The following MAPK10 variants were observed in gnomAD, a reference collection of about 807,000 sequenced individuals.
MAPK10 encodes JNK3 alpha protein kinase.
MAPK10 carries 25 observed loss-of-function variants against 59.3 expected under a neutral mutation model. The observed-to-expected ratio is 0.42, with a 90% CI of 0.31 to 0.59. The LOEUF (loss-of-function observed/expected upper bound fraction) is 0.59, where lower values mean the gene tolerates loss of function less well. Among genes scored for constraint, MAPK10 ranks in the 20% least tolerant of loss-of-function variants. MAPK10 has a pLI of 0.15. For missense variants in MAPK10, 351 were observed against 568.9 expected, an observed-to-expected ratio of 0.62 and a Z score of 3.90; for synonymous variants, 190 against 200.5, an observed-to-expected ratio of 0.95 and a Z score of 0.44.
chr4:86,272,621 A>T (rs750381479), intron 2 of MAPK10, among the ~76,000 whole-genome samples: 34 of 151,962 alleles, frequency 2.2e-4, no homozygotes, highest in Non-Finnish European at 3.7e-4. Flanking sequence ...TTTCATTTAC[A>T]CTTTGCCAGC....
intron 4 of MAPK10, among the ~76,000 whole-genome samples, chr4:86,153,675 G>A (rs1188789620): frequency 2.6e-5 from 4 of 151,814 alleles, no homozygotes; most frequent in African/African-American, 9.7e-5. Context: ...CATTTTCTTC[G>A]TAAAGGAAAA....
intron 6 of MAPK10, 170 bp downstream of exon 6, chr4:86,103,016 A>T (rs2055781195): frequency 1.9e-6 from 1 of 527,716 alleles, no homozygotes; most frequent in African/African-American, 1.9e-5. Flanking sequence ...ATATCACTGG[A>T]CCCCTTTCAT....
intron 4 of MAPK10, among the ~76,000 whole-genome samples, chr4:86,123,509 A>AT (rs1290568385): frequency 6.6e-6 from 1 of 151,876 alleles, no homozygotes; most frequent in Non-Finnish European, 1.5e-5. Context: ...TCACGTGAAG[A>AT]TTTTTTCAAG....
chr4:86,563,342 T>TA (rs763226898), intron 1 of MAPK10, among the ~76,000 whole-genome samples: 17 of 150,416 alleles, frequency 1.1e-4, no homozygotes, highest in South Asian at 2.1e-4. Context: ...ATGAGGGAGG[T>TA]AAAAAAAAAT....
chr4:86,415,874 T>C (rs1745800409), intron 1 of MAPK10, among the ~76,000 whole-genome samples: 1 of 152,230 alleles, frequency 6.6e-6, no homozygotes, highest in African/African-American at 2.4e-5. Flanking sequence ...AATTGCATCT[T>C]ATAGCAGTAT....
At chr4:86,082,875 G>A (rs2050943286) in intron 9 of MAPK10, among the ~76,000 whole-genome samples, 1 of 152,096 alleles carries the variant, frequency 6.6e-6, no homozygotes, top group South Asian at 2.1e-4. Flanking sequence ...GCTGCACTCT[G>A]GGTTGCACTG....
At chr4:86,483,939 T>A (rs1753786719) in intron 1 of MAPK10, among the ~76,000 whole-genome samples, 1 of 152,026 alleles carries the variant, frequency 6.6e-6, no homozygotes, top group African/African-American at 2.4e-5. Flanking sequence ...AGACAAATGT[T>A]GGAATAGGAG....
At chr4:86,463,238 T>C (rs1751901441) in intron 1 of MAPK10, among the ~76,000 whole-genome samples, 1 of 152,196 alleles carries the variant, frequency 6.6e-6, no homozygotes, top group Non-Finnish European at 1.5e-5. Context: ...TGGCCTTTAA[T>C]AGTCATGGAT....
chr4:86,419,569 G>A (rs1167328355), intron 1 of MAPK10, among the ~76,000 whole-genome samples: 1 of 152,088 alleles, frequency 6.6e-6, no homozygotes, highest in Non-Finnish European at 1.5e-5. Flanking sequence ...GTAAAATTAA[G>A]TTGCTTCATC....
intron 2 of MAPK10, among the ~76,000 whole-genome samples, chr4:86,341,865 G>A (rs1051937105): frequency 4.0e-5 from 6 of 149,250 alleles, no homozygotes; most frequent in Non-Finnish European, 7.4e-5. Flanking sequence ...CTAATGCTAT[G>A]AGCTTTACCT....
intron 1 of MAPK10, among the ~76,000 whole-genome samples, chr4:86,579,863 G>A (rs1419539356): frequency 6.6e-6 from 1 of 151,818 alleles, no homozygotes; most frequent in Non-Finnish European, 1.5e-5. Flanking sequence ...ACCCAGGCTG[G>A]AGTGCATTGG....
At chr4:86,155,946 C>G (rs1165682482) in intron 4 of MAPK10, among the ~76,000 whole-genome samples, 3 of 151,980 alleles carry the variant, frequency 2.0e-5, no homozygotes, top group African/African-American at 7.2e-5. Context: ...ACAGGTGTAT[C>G]ATAGACAGCC....
chr4:86,046,740 G>A (rs2148951484), intron 11 of MAPK10, among the ~76,000 whole-genome samples: 1 of 152,176 alleles, frequency 6.6e-6, no homozygotes, highest in Non-Finnish European at 1.5e-5. Flanking sequence ...ACACAATCAT[G>A]GGCAATGTGC....
upstream of MAPK10, among the ~76,000 whole-genome samples, chr4:86,364,917 T>TTGCCA (rs374254501): frequency 8.7e-3 from 1,318 of 152,070 alleles, 13 homozygotes; most frequent in African/African-American, 0.03. Context: ...AAGGCAGAGG[T>TTGCCA]TGCCATGAGC....
At chr4:86,536,339 CTTTT>C (rs1400138264) in intron 1 of MAPK10, among the ~76,000 whole-genome samples, 1 of 152,096 alleles carries the variant, frequency 6.6e-6, no homozygotes, top group Admixed American at 6.5e-5. Context: ...TAAGAAAGGG[CTTTT>C]TTGTTTATTT....
At chr4:86,334,276 T>G (rs1368970688) in intron 2 of MAPK10, among the ~76,000 whole-genome samples, 1 of 152,110 alleles carries the variant, frequency 6.6e-6, no homozygotes, top group Non-Finnish European at 1.5e-5. Flanking sequence ...TCTACCTACC[T>G]CCTTACTGTT....
intron 2 of MAPK10, among the ~76,000 whole-genome samples, chr4:86,236,706 T>C (rs1301735775): frequency 1.3e-5 from 2 of 152,066 alleles, no homozygotes; most frequent in South Asian, 2.1e-4. Context: ...AGTTTGGAGA[T>C]GGAAACGCAG....
At chr4:86,435,066 T>C (rs1019086241) in intron 1 of MAPK10, among the ~76,000 whole-genome samples, 4 of 152,142 alleles carry the variant, frequency 2.6e-5, no homozygotes, top group African/African-American at 9.7e-5. Flanking sequence ...CACATTCATA[T>C]GCGGGATCTT....
intron 2 of MAPK10, among the ~76,000 whole-genome samples, chr4:86,260,392 C>G (rs1278338295): frequency 6.6e-6 from 1 of 152,070 alleles, no homozygotes; most frequent in Non-Finnish European, 1.5e-5. Flanking sequence ...AAACTTCCAA[C>G]AGTGGTTTCT....
Sources: gnomAD v4.1 joint callset for allele counts (sites outside exome capture counted in the v4.1 genomes callset) on GRCh38, gnomAD v4.1.1 for gene constraint, MANE v1.5 for transcripts, NCBI Gene and HGNC (gene_info 2026-07-23, HGNC 2026-07-21) for gene names.